VCAN: variants seen among roughly 807,000 people sequenced by gnomAD.
The protein encoded by VCAN is versican.
In VCAN, 44 loss-of-function variants were observed where a neutral mutation model predicts 245.5. The observed-to-expected ratio is 0.18, with a 90% CI of 0.14 to 0.23. The LOEUF (loss-of-function observed/expected upper bound fraction) is 0.23. Among genes scored for constraint, VCAN ranks in the 10% least tolerant of loss-of-function variants. The pLI is 1.00. For missense variants in VCAN, 3,793 were observed against 4,057.9 expected (o/e 0.93, Z 1.77); for synonymous variants, 1,413 against 1,437.0 (o/e 0.98, Z 0.38).
chr5:83,476,975 A>G (rs1292500069), intron 1 of VCAN, among the ~76,000 whole-genome samples: 1 of 152,180 alleles, frequency 6.6e-6, no homozygotes, highest in Non-Finnish European at 1.5e-5. Context: ...CATATTTGAT[A>G]AATTATAATC....
chr5:83,554,291 C>A (rs756953261), intron 11 of VCAN, among the ~76,000 whole-genome samples: 4 of 152,240 alleles, frequency 2.6e-5, no homozygotes, highest in Non-Finnish European at 4.4e-5. Context: ...GCGTGAGCCA[C>A]CATTCCCAGC....
At chr5:83,494,928 G>A (rs1745109886) in intron 5 of VCAN, among the ~76,000 whole-genome samples, 1 of 152,102 alleles carries the variant, frequency 6.6e-6, no homozygotes, top group African/African-American at 2.4e-5. Context: ...AGCGAGCTGA[G>A]GAGATTGCGC....
chr5:83,476,573 A>T (rs927851809), intron 1 of VCAN, among the ~76,000 whole-genome samples: 1 of 152,178 alleles, frequency 6.6e-6, no homozygotes, highest in African/African-American at 2.4e-5. Flanking sequence ...GAAAAGGGGG[A>T]TTAGATATGG....
intron 1 of VCAN, among the ~76,000 whole-genome samples, chr5:83,480,039 A>G (rs908419591): frequency 6.6e-6 from 1 of 152,230 alleles, no homozygotes; most frequent in Non-Finnish European, 1.5e-5. Context: ...GCTGAAATAT[A>G]GACTTAGTGT....
chr5:83,492,006 G>A (rs1326572360), intron 3 of VCAN, among the ~76,000 whole-genome samples: 4 of 151,920 alleles, frequency 2.6e-5, no homozygotes, highest in African/African-American at 9.7e-5. Context: ...GTTCTATAAA[G>A]GTACAAATTG....
rs1011470309 is a variant in VCAN, at chr5:83,483,504, C to T, written c.-6-9C>T. On this transcript the variant is annotated splice_polypyrimidine_tract_variant and intron_variant, in intron 1 of 14. Coordinates refer to ENST00000265077, the MANE Select transcript of VCAN (RefSeq NM_004385.5). The stretch of plus-strand genomic sequence containing the variant: ...TTGTGATTTACTTTGTGTTTTTCTT[C>T]ATTTCTAGGCCAAGATGTTCATAAA... 4 of 1,611,790 alleles carry T rather than the reference C, an allele frequency of 2.5e-6. No homozygotes were observed. The highest frequency in any genetic ancestry group is 3.4e-6 in the Non-Finnish European group (4 of 1,178,250).
intron 12 of VCAN, among the ~76,000 whole-genome samples, chr5:83,570,555 A>C (rs554846602): frequency 6.6e-6 from 1 of 152,294 alleles, no homozygotes; most frequent in South Asian, 2.1e-4. Context: ...CCTCTAGTAT[A>C]TTAATTATAC....
At chr5:83,543,305 A>G (rs1167280367) in intron 8 of VCAN, among the ~76,000 whole-genome samples, 1 of 152,306 alleles carries the variant, frequency 6.6e-6, no homozygotes, top group East Asian at 1.9e-4. Context: ...GAATCCACAA[A>G]TAGACATCAC....
chr5:83,475,024 C>T lies in VCAN; in HGVS notation c.-7+3001C>T, dbSNP rs1744336562. On this transcript the variant is annotated intron_variant, in intron 1 of 14. Transcript: ENST00000265077. ...TGACTTTTTAAATACATTCAGGTCA[C>T]TCTAAAGCCCATTCTTAGTCAATTA... 2.0e-5 allele frequency among the ~76,000 whole-genome samples: 3 copies of T among 152,248 alleles called. No individual in the cohort carries two copies. In the South Asian group the frequency reaches 6.2e-4, roughly 32 times the overall value.
intron 1 of VCAN, 42 bp from the exon 2 acceptor site, chr5:83,483,471 C>A: frequency 6.5e-7 from 1 of 1,549,926 alleles, no homozygotes; most frequent in South Asian, 1.1e-5. Context: ...CACTTTAAAC[C>A]TGAATGCTTG....
At chr5:83,493,953 A>G (rs770558028) in intron 5 of VCAN, 22 bp downstream of exon 5, 14 of 1,613,632 alleles carry the variant, frequency 8.7e-6, no homozygotes, top group Non-Finnish European at 1.2e-5. Context: ...GAGTTTCTAT[A>G]TCTTCGTATG....
At chr5:83,496,813 G>A (rs986980969) in intron 5 of VCAN, among the ~76,000 whole-genome samples, 2 of 152,164 alleles carry the variant, frequency 1.3e-5, no homozygotes, top group Non-Finnish European at 2.9e-5. Flanking sequence ...TGAAGTATAT[G>A]TCTTCCCTTT....
In VCAN at chr5:83,555,049, C is replaced by G; in HGVS notation, c.9735+11C>G. On this transcript the variant is annotated intron_variant, in intron 12 of 14. Transcript: ENST00000265077. ...GATGGCAGCACACTGGTAAGATGCC[C>G]TTGAAAATGATGTCAAGTTCTACCT... 4 of 1,613,016 alleles carry G rather than the reference C, an allele frequency of 2.5e-6. No homozygotes were observed. The highest frequency in any genetic ancestry group is 1.3e-5 in the African/African-American group (1 of 74,998).
At chr5:83,484,795 AG>A (rs905525190) in intron 2 of VCAN, among the ~76,000 whole-genome samples, 2 of 152,190 alleles carry the variant, frequency 1.3e-5, no homozygotes, top group Admixed American at 1.3e-4. Flanking sequence ...GACATCATAG[AG>A]AGTGGCTTGA....
At chr5:83,505,672 C>A (rs888685178) in intron 5 of VCAN, among the ~76,000 whole-genome samples, 1 of 152,144 alleles carries the variant, frequency 6.6e-6, no homozygotes, top group African/African-American at 2.4e-5. Context: ...AAGATGGTGG[C>A]CCTCTTTTCA....
In VCAN at chr5:83,519,967, A is replaced by T. The variant is rs759457277; in HGVS notation, c.1661A>T (p.Glu554Val). The T allele has an allele frequency of 6.2e-7, 1 of 1,614,084 alleles. No individual in the cohort carries two copies. Among genetic ancestry groups the T allele is most frequent in the South Asian group, 1.1e-5 (1 of 91,080 alleles). ...TTGHYGFTLG[E>V]EDDEDRTLTV... ...GGTCACTATGGATTCACCTTGGGAG[A>T]AGAGGATGATGAAGACAGAACACTT... Residue 554 changes from glutamate (E) to valine (V), a missense_variant, in exon 7 of 15, where the codon GAA becomes GTA. Physicochemically the swap from Glu to Val is moderately radical, Grantham distance 121. This residue lies in a region of VCAN where 3,182 missense variants were observed against 3,250.3 expected (regional missense o/e 0.98). Coordinates refer to ENST00000265077, the MANE Select transcript of VCAN (RefSeq NM_004385.5).
chr5:83,474,066 C>G (rs1466117518), intron 1 of VCAN, among the ~76,000 whole-genome samples: 1 of 152,122 alleles, frequency 6.6e-6, no homozygotes, highest in Non-Finnish European at 1.5e-5. Context: ...AAAGATAATA[C>G]ACATACCGTG....
intron 12 of VCAN, among the ~76,000 whole-genome samples, chr5:83,560,856 G>A (rs1486478381): frequency 6.6e-6 from 1 of 152,042 alleles, no homozygotes; most frequent in East Asian, 1.9e-4. Flanking sequence ...ATTCCCCCCA[G>A]CACCATCAAA....
At chr5:83,487,073 C>T (rs937618) in intron 2 of VCAN, among the ~76,000 whole-genome samples, 106,313 of 152,078 alleles carry the variant, frequency 0.7, 38,025 homozygotes, top group African/African-American at 0.86. Flanking sequence ...TATTATCTTA[C>T]AAACTGTCCT....
Sources: gnomAD v4.1 joint callset for allele counts (sites outside exome capture counted in the v4.1 genomes callset) on GRCh38, gnomAD v4.1.1 for gene constraint, gnomAD v4.1.1 regional missense constraint, MANE v1.5 for transcripts, NCBI Gene and HGNC (gene_info 2026-07-23, HGNC 2026-07-21) for gene names.